Variants in FAM184A observed in about 807,000 individuals in gnomAD.
The protein encoded by FAM184A is family with sequence similarity 184 member A.
A neutral mutation model predicts 143.8 loss-of-function variants in FAM184A; 99 were observed. The ratio of observed to expected loss-of-function variants is 0.69; its 90% CI spans 0.58 to 0.81. The LOEUF (loss-of-function observed/expected upper bound fraction) is 0.81, where lower values mean the gene tolerates loss of function less well. FAM184A is among the 40% of genes least tolerant of loss of function. The pLI, the probability that FAM184A is intolerant of heterozygous loss-of-function variation, is 0.00. For synonymous variants in FAM184A, 427 were observed against 446.4 expected (o/e 0.96, Z 0.55); for missense variants, 1,217 against 1,310.5 (o/e 0.93, Z 1.10).
chr6:119,131,513 T>A (rs1221131440), intron 1 of FAM184A, among the ~76,000 whole-genome samples: 1 of 151,926 alleles, frequency 6.6e-6, no homozygotes, highest in Non-Finnish European at 1.5e-5. Flanking sequence ...TTGGAGAGGG[T>A]CTTGCTCTAT....
chr6:118,988,141 G>A (rs1288928684), intron 9 of FAM184A, among the ~76,000 whole-genome samples: 1 of 152,102 alleles, frequency 6.6e-6, no homozygotes, highest in Non-Finnish European at 1.5e-5. Context: ...AAGATTACAG[G>A]AATAAAGGGA....
chr6:118,990,784 G>A (rs548187396), intron 9 of FAM184A, among the ~76,000 whole-genome samples: 8 of 152,022 alleles, frequency 5.3e-5, no homozygotes, highest in Admixed American at 1.3e-4. Context: ...ACAGCTACTC[G>A]GGAGGCTGAG....
intron 9 of FAM184A, among the ~76,000 whole-genome samples, chr6:118,988,980 C>T (rs546560827): frequency 1.4e-4 from 15 of 104,312 alleles, no homozygotes; most frequent in Middle Eastern, 0.011. Context: ...TTTTTTGAGA[C>T]GGAGTCTCAC....
At position 118,970,008 on chromosome 6, in the gene FAM184A, A is replaced by ATATATAT; in HGVS notation, c.2916-3057_2916-3056insATATATA. On this transcript the variant is annotated intron_variant, in intron 14 of 17. Coordinates refer to ENST00000338891, the MANE Select transcript of FAM184A (RefSeq NM_024581.6). ...ATATATATATAATATATATATATAT[A>ATATATAT]TTTTTTTTTTTTTGAGATGGAGTTT... is the stretch of plus-strand genomic sequence containing the variant. Among the ~76,000 whole-genome samples, 3 of 19,044 alleles carry ATATATAT rather than the reference A, an allele frequency of 1.6e-4. 1 individual carries two copies. Among genetic ancestry groups the ATATATAT allele is most frequent in the African/African-American group, 3.1e-4 (2 of 6,476 alleles). The allele number at this position is 19,044 out of a possible 152,430, so 12.5% of individuals were successfully genotyped here.
At position 119,016,912 on chromosome 6, in the gene FAM184A, T is replaced by C. The variant is rs1409721838; in HGVS notation, c.1365A>G (p.Glu455=). The C allele has an allele frequency of 6.2e-7, 1 of 1,612,782 alleles. No individual in the cohort carries two copies. The highest frequency in any genetic ancestry group is 1.3e-5 in the African/African-American group (1 of 74,840). ...KVNEAKRTQQ[E]YYERELKNLQ... is the part of the protein sequence containing the mutation. ...GGTTTTTAAGTTCCCTTTCATAATA[T>C]TCTTGCTGAGTTCTCTTTGCTTCAT... Residue 455 remains glutamate, a synonymous_variant, in exon 5 of 18, where the codon GAA becomes GAG. Transcript: ENST00000338891.
At chr6:118,976,117 A>T in intron 11 of FAM184A, 73 bp from the exon 12 acceptor site, 1 of 1,454,948 alleles carries the variant, frequency 6.9e-7, no homozygotes, top group Non-Finnish European at 9.3e-7. Flanking sequence ...AAAATTATAG[A>T]AGTAAAAAAT....
chr6:119,051,787 A>G (rs1786779198), intron 1 of FAM184A, among the ~76,000 whole-genome samples: 1 of 152,226 alleles, frequency 6.6e-6, no homozygotes, highest in Non-Finnish European at 1.5e-5. Context: ...TGATCGCAGG[A>G]CTCAAATACA....
At chr6:119,047,051 A>AC (rs1554192041) in intron 1 of FAM184A, among the ~76,000 whole-genome samples, 1 of 78,698 alleles carries the variant, frequency 1.3e-5, no homozygotes, top group Non-Finnish European at 3.5e-5. Context: ...TAATAATCTG[A>AC]TAAAAAAATG....
intron 9 of FAM184A, among the ~76,000 whole-genome samples, chr6:118,982,259 C>T (rs1431710502): frequency 1.3e-5 from 2 of 152,074 alleles, no homozygotes; most frequent in African/African-American, 4.8e-5. Flanking sequence ...GATTTGTAAC[C>T]GGTAGAGCCG....
At chr6:119,121,117 A>C (rs1470820413) in intron 1 of FAM184A, among the ~76,000 whole-genome samples, 1 of 149,262 alleles carries the variant, frequency 6.7e-6, no homozygotes, top group East Asian at 2.0e-4. Context: ...GCCCTGTATT[A>C]TATTTTTAAT....
At chr6:119,139,308 A>G (rs1438836214) in intron 1 of FAM184A, among the ~76,000 whole-genome samples, 1 of 152,194 alleles carries the variant, frequency 6.6e-6, no homozygotes. Flanking sequence ...TAGAAAGTCA[A>G]GTGTCAAAAC....
At chr6:119,033,812 C>A (rs1253489208) in intron 1 of FAM184A, among the ~76,000 whole-genome samples, 1 of 149,858 alleles carries the variant, frequency 6.7e-6, no homozygotes, top group Non-Finnish European at 1.5e-5. Context: ...GCCAACATGG[C>A]AAAACCCCAT....
intron 11 of FAM184A, 63 bp downstream of exon 11, chr6:118,979,302 G>T: frequency 6.9e-7 from 1 of 1,451,790 alleles, no homozygotes; most frequent in Non-Finnish European, 9.3e-7. Flanking sequence ...ATTTTATGTT[G>T]AATTTAAAAA....
intron 1 of FAM184A, among the ~76,000 whole-genome samples, chr6:119,065,577 A>C (rs1787420394): frequency 6.6e-6 from 1 of 152,180 alleles, no homozygotes; most frequent in South Asian, 2.1e-4. Context: ...TAGTCCATCT[A>C]GTCACTCATT....
At chr6:118,976,663 CAAA>C (rs79157029) in intron 11 of FAM184A, among the ~76,000 whole-genome samples, 9 of 120,698 alleles carry the variant, frequency 7.5e-5, no homozygotes, top group Non-Finnish European at 1.4e-4. Context: ...GACTCCATCT[CAAA>C]AAAAAAAAAA....
At position 118,964,696 on chromosome 6, in the gene FAM184A, T is replaced by A; in HGVS notation, c.3109A>T (p.Thr1037Ser). The A allele has an allele frequency of 6.2e-7, 1 of 1,606,018 alleles. No homozygotes were observed. Among genetic ancestry groups the A allele is most frequent in the Non-Finnish European group, 8.5e-7 (1 of 1,173,650 alleles). Residue 1037 changes from threonine to serine, a missense_variant, in exon 16 of 18, where the codon ACT (threonine) becomes TCT (serine). Transcript: ENST00000338891. The stretch of plus-strand genomic sequence containing the variant: ...GCCAATGGATTAATAACACCAACAG[T>A]AGGACTTGAGTTAAACACTTTGTTG... The part of the protein sequence containing the change: ...NFNKVFNSSP[T>S]VGVINPLAKQ...
intron 1 of FAM184A, among the ~76,000 whole-genome samples, chr6:119,095,536 G>A (rs1382886110): frequency 6.6e-6 from 1 of 152,106 alleles, no homozygotes; most frequent in Non-Finnish European, 1.5e-5. Flanking sequence ...ATCTAGATGA[G>A]AAATAATATA....
intron 9 of FAM184A, among the ~76,000 whole-genome samples, chr6:118,984,956 A>G (rs1460328459): frequency 2.0e-5 from 3 of 152,254 alleles, no homozygotes; most frequent in Non-Finnish European, 4.4e-5. Flanking sequence ...AATTTTAAAA[A>G]TACAGGAACA....
chr6:119,082,747 C>T (rs1253586351), upstream of FAM184A, among the ~76,000 whole-genome samples: 1 of 152,238 alleles, frequency 6.6e-6, no homozygotes. Context: ...CCCATGGCTG[C>T]TTTCATGGGC....
Sources: gnomAD v4.1 joint callset for allele counts (sites outside exome capture counted in the v4.1 genomes callset) on GRCh38, gnomAD v4.1.1 for gene constraint, MANE v1.5 for transcripts, NCBI Gene and HGNC (gene_info 2026-07-23, HGNC 2026-07-21) for gene names.